LHFPL6: variants seen among roughly 807,000 people sequenced by gnomAD.
The protein encoded by LHFPL6 is LHFPL tetraspan subfamily member 6.
In LHFPL6, 9 loss-of-function variants were observed where a neutral mutation model predicts 20.6. The observed-to-expected ratio is 0.44, with a 90% confidence interval of 0.26 to 0.76. The LOEUF is 0.76. Among genes scored for constraint, LHFPL6 ranks in the 30% least tolerant of loss-of-function variants. The pLI is 0.20. For synonymous variants in LHFPL6, 105 were observed against 98.7 expected (o/e 1.06, Z -0.38); for missense variants, 218 against 253.5 (o/e 0.86, Z 0.95).
chr13:39,536,467 G>A lies in LHFPL6; in HGVS notation c.385+64365C>T, dbSNP rs181911369. Reference sequence around the variant, plus strand: ...CCAGCCAATGACTGAGCACTGTGAGGTCACTAGATTCAGCCTTCCTGCCCA... The same window carrying A: ...CCAGCCAATGACTGAGCACTGTGAGATCACTAGATTCAGCCTTCCTGCCCA... On this transcript the variant is annotated intron_variant, in intron 2 of 3. Transcript: ENST00000379589. Among the ~76,000 whole-genome samples, 329 of 152,184 alleles carry A rather than the reference G, an allele frequency of 2.2e-3. 2 individuals carry two copies. The highest frequency in any genetic ancestry group is 7.5e-3 in the African/African-American group (310 of 41,504).
intron 2 of LHFPL6, among the ~76,000 whole-genome samples, chr13:39,552,918 G>T (rs957759100): frequency 6.6e-6 from 1 of 151,734 alleles, no homozygotes; most frequent in African/African-American, 2.4e-5. Flanking sequence ...TTCTGGAGGT[G>T]GTGACCAAGA....
chr13:39,402,913 C>T (rs1210073738), intron 2 of LHFPL6, among the ~76,000 whole-genome samples: 1 of 152,210 alleles, frequency 6.6e-6, no homozygotes, highest in Non-Finnish European at 1.5e-5. Context: ...AAGTAGCTCT[C>T]ACAGTCTGCT....
intron 2 of LHFPL6, among the ~76,000 whole-genome samples, chr13:39,571,258 C>T (rs1000939692): frequency 1.3e-5 from 2 of 152,214 alleles, no homozygotes; most frequent in South Asian, 2.1e-4. Context: ...TTAAATCCTC[C>T]GACCAGATTG....
chr13:39,535,631 GACAGTGT>G (rs1870594086), intron 2 of LHFPL6, among the ~76,000 whole-genome samples: 1 of 152,150 alleles, frequency 6.6e-6, no homozygotes, highest in Non-Finnish European at 1.5e-5. Flanking sequence ...TGAATTCAGG[GACAGTGT>G]ACACATTCTG....
Position 39,355,080 on chromosome 13 carries a change from A to G in LHFPL6, c.485-11026T>C, listed in dbSNP as rs73451007. The stretch of plus-strand genomic sequence containing the variant: ...AAACCCCAGCAAGGTACCATACTAG[A>G]TGCATAGTGATCAGACTCTCCAAGG... On this transcript the variant is annotated intron_variant, in intron 3 of 3. Coordinates refer to ENST00000379589, the MANE Select transcript of LHFPL6 (RefSeq NM_005780.3). 6.8e-3 allele frequency among the ~76,000 whole-genome samples: 1,005 copies of G among 148,506 alleles called. 12 individuals carry two copies. The highest frequency in any genetic ancestry group is 0.024 in the African/African-American group (950 of 40,080).
At chr13:39,589,185 C>A (rs1404504715) in intron 2 of LHFPL6, among the ~76,000 whole-genome samples, 5 of 152,146 alleles carry the variant, frequency 3.3e-5, no homozygotes, top group Non-Finnish European at 7.3e-5. Context: ...CGGTTCACTG[C>A]AGCCTCTGCC....
intron 2 of LHFPL6, among the ~76,000 whole-genome samples, chr13:39,461,243 G>T (rs1213690545): frequency 6.6e-6 from 1 of 152,118 alleles, no homozygotes; most frequent in Non-Finnish European, 1.5e-5. Flanking sequence ...ACCACTGATG[G>T]GCATTTAGGT....
At chr13:39,502,518 G>A (rs1256595596) in intron 2 of LHFPL6, among the ~76,000 whole-genome samples, 2 of 151,862 alleles carry the variant, frequency 1.3e-5, no homozygotes, top group Non-Finnish European at 2.9e-5. Context: ...CTACTCAGGA[G>A]GCTGAGGTGG....
At chr13:39,368,539 G>A (rs557953131) in intron 3 of LHFPL6, among the ~76,000 whole-genome samples, 2 of 152,264 alleles carry the variant, frequency 1.3e-5, no homozygotes, top group East Asian at 1.9e-4. Context: ...CCAAGATCAC[G>A]CCACTGCACT....
At chr13:39,489,595 C>T (rs1473917093) in intron 2 of LHFPL6, among the ~76,000 whole-genome samples, 5 of 150,206 alleles carry the variant, frequency 3.3e-5, no homozygotes, top group Admixed American at 2.0e-4. Flanking sequence ...CGCTCTGTTA[C>T]CCAGGCTGGA....
chr13:39,490,450 C>T (rs755817459), intron 2 of LHFPL6, among the ~76,000 whole-genome samples: 8 of 152,162 alleles, frequency 5.3e-5, no homozygotes, highest in African/African-American at 1.2e-4. Context: ...GTTTAGCCAC[C>T]GGTAGGCTCG....
At chr13:39,481,234 T>C (rs1262496104) in intron 2 of LHFPL6, among the ~76,000 whole-genome samples, 1 of 152,130 alleles carries the variant, frequency 6.6e-6, no homozygotes, top group Non-Finnish European at 1.5e-5. Flanking sequence ...TGAAATACAA[T>C]GACTTAGTTC....
chr13:39,482,988 CTT>C (rs1868581581), intron 2 of LHFPL6, among the ~76,000 whole-genome samples: 1 of 152,138 alleles, frequency 6.6e-6, no homozygotes, highest in African/African-American at 2.4e-5. Context: ...GAGCTTTCAT[CTT>C]TTATCTTCCC....
chr13:39,522,238 C>G (rs923789509), intron 2 of LHFPL6, among the ~76,000 whole-genome samples: 6 of 152,198 alleles, frequency 3.9e-5, no homozygotes, highest in African/African-American at 1.4e-4. Context: ...TCTTAAGAGG[C>G]AGTTGATATT....
intron 2 of LHFPL6, among the ~76,000 whole-genome samples, chr13:39,559,818 T>C (rs1871415683): frequency 6.6e-6 from 1 of 152,240 alleles, no homozygotes; most frequent in Non-Finnish European, 1.5e-5. Context: ...TTATTAATAA[T>C]GTGTTTTATT....
intron 2 of LHFPL6, among the ~76,000 whole-genome samples, chr13:39,415,522 A>T (rs1055286489): frequency 5.3e-5 from 8 of 152,100 alleles, no homozygotes; most frequent in Admixed American, 4.6e-4. Flanking sequence ...AACAAAAAAC[A>T]AAAGCAAGCT....
chr13:39,379,768 C>A (rs1423603979), intron 2 of LHFPL6, among the ~76,000 whole-genome samples: 1 of 152,214 alleles, frequency 6.6e-6, no homozygotes, highest in African/African-American at 2.4e-5. Flanking sequence ...CCCTCACCCC[C>A]ACACCCATCC....
At chr13:39,451,273 A>G (rs936942634) in intron 2 of LHFPL6, among the ~76,000 whole-genome samples, 1 of 152,236 alleles carries the variant, frequency 6.6e-6, no homozygotes, top group Non-Finnish European at 1.5e-5. Flanking sequence ...TAAAAACAAG[A>G]AAACCTGAAC....
chr13:39,592,057 T>C (rs900158200), intron 2 of LHFPL6, among the ~76,000 whole-genome samples: 8 of 151,418 alleles, frequency 5.3e-5, no homozygotes, highest in Non-Finnish European at 1.2e-4. Flanking sequence ...GATCACACCA[T>C]TGCACTCCAG....
Sources: gnomAD v4.1 joint callset for allele counts (sites outside exome capture counted in the v4.1 genomes callset) on GRCh38, gnomAD v4.1.1 for gene constraint, MANE v1.5 for transcripts, NCBI Gene and HGNC (gene_info 2026-07-23, HGNC 2026-07-21) for gene names.